STXBP5L: variants seen among roughly 807,000 people sequenced by gnomAD.
The protein encoded by STXBP5L is syntaxin binding protein 5L.
Under a neutral mutation model 144.5 loss-of-function variants are expected in STXBP5L, and 65 were observed. The ratio of observed to expected loss-of-function variants is 0.45; its 90% CI spans 0.37 to 0.55. STXBP5L has a LOEUF of 0.55. Among genes scored for constraint, STXBP5L ranks in the 20% least tolerant of loss-of-function variants. STXBP5L has a pLI of 0.00. For missense variants in STXBP5L, 1,298 were observed against 1,405.5 expected, an observed-to-expected ratio of 0.92 and a Z score of 1.22; for synonymous variants, 505 against 469.6, an observed-to-expected ratio of 1.08 and a Z score of -0.97.
intron 20 of STXBP5L, among the ~76,000 whole-genome samples, chr3:121,372,791 G>A (rs2046072080): frequency 6.6e-6 from 1 of 151,878 alleles, no homozygotes. Flanking sequence ...CCATCTTAGA[G>A]CAGGAATTCA....
At chr3:120,963,575 T>A (rs1308437796) in intron 3 of STXBP5L, among the ~76,000 whole-genome samples, 1 of 152,212 alleles carries the variant, frequency 6.6e-6, no homozygotes, top group African/African-American at 2.4e-5. Flanking sequence ...GGATTATGTT[T>A]ATTGATTTGC....
At chr3:120,994,476 T>C (rs1207765024) in intron 3 of STXBP5L, among the ~76,000 whole-genome samples, 1 of 152,142 alleles carries the variant, frequency 6.6e-6, no homozygotes, top group Non-Finnish European at 1.5e-5. Context: ...ATGCCTAGTT[T>C]GTTGAGCATT....
chr3:121,285,014 T>C (rs2108449785), intron 19 of STXBP5L, among the ~76,000 whole-genome samples: 1 of 152,210 alleles, frequency 6.6e-6, no homozygotes, highest in Non-Finnish European at 1.5e-5. Context: ...AACTATTGGA[T>C]AATATAATCT....
chr3:121,079,559 G>C (rs1042504892), intron 5 of STXBP5L, among the ~76,000 whole-genome samples: 1 of 152,198 alleles, frequency 6.6e-6, no homozygotes, highest in African/African-American at 2.4e-5. Flanking sequence ...AGTTATAGTT[G>C]ATTTTATTAA....
chr3:121,379,062 A>G lies in STXBP5L; in HGVS notation c.2347+176A>G, dbSNP rs186723598. Among the ~76,000 whole-genome samples the G allele has an allele frequency of 4.7e-4, 72 of 151,898 alleles. 2 individuals are homozygous for G. The East Asian group carries it at 0.013, about 28-fold the overall frequency. The stretch of plus-strand genomic sequence containing the variant: ...TAACTCCAACTCCATTCCTCACTCC[A>G]CCTCCTTCCTCACCTCTAAAACCAG... On this transcript the variant is annotated intron_variant, in intron 21 of 26. Coordinates refer to ENST00000471454, the MANE Select transcript of STXBP5L (RefSeq NM_001308330.2).
chr3:121,349,505 G>C lies in STXBP5L; in HGVS notation c.2177-29211G>C, dbSNP rs1029418280. 1.3e-4 allele frequency among the ~76,000 whole-genome samples: 19 copies of C among 151,516 alleles called. 2 individuals are homozygous for C. Among genetic ancestry groups the C allele is most frequent in the African/African-American group, 4.1e-4 (17 of 41,130 alleles). ...GGTGTAGAGCTGAGTTGAATTCCTG[G>C]ATATCCTTGTTAACTTTCTGTCTCG... On this transcript the variant is annotated intron_variant, in intron 20 of 26. Coordinates refer to ENST00000471454, the MANE Select transcript of STXBP5L (RefSeq NM_001308330.2).
At chr3:120,978,224 C>G (rs1014320511) in intron 3 of STXBP5L, among the ~76,000 whole-genome samples, 1 of 152,234 alleles carries the variant, frequency 6.6e-6, no homozygotes, top group Non-Finnish European at 1.5e-5. Flanking sequence ...TCCCATATTT[C>G]TTGGAGGCTT....
At chr3:121,020,579 C>T (rs1371826688) in intron 3 of STXBP5L, among the ~76,000 whole-genome samples, 2 of 152,128 alleles carry the variant, frequency 1.3e-5, no homozygotes, top group Non-Finnish European at 2.9e-5. Flanking sequence ...AGAAACCATA[C>T]AAGCTAGAAG....
At chr3:121,008,454 T>C (rs1944517305) in intron 3 of STXBP5L, among the ~76,000 whole-genome samples, 1 of 152,034 alleles carries the variant, frequency 6.6e-6, no homozygotes, top group African/African-American at 2.4e-5. Context: ...AAAATAGACA[T>C]TGAGAATGAT....
At chr3:121,048,176 C>G (rs980840134) in intron 5 of STXBP5L, among the ~76,000 whole-genome samples, 5 of 152,088 alleles carry the variant, frequency 3.3e-5, no homozygotes, top group Admixed American at 2.0e-4. Context: ...ATATAGACCC[C>G]CAATTTCTTC....
intron 5 of STXBP5L, among the ~76,000 whole-genome samples, chr3:121,091,035 T>G (rs1245657579): frequency 6.6e-6 from 1 of 150,638 alleles, no homozygotes; most frequent in Non-Finnish European, 1.5e-5. Context: ...GGTGTGTGGT[T>G]TTTTGTTCTT....
intron 5 of STXBP5L, among the ~76,000 whole-genome samples, chr3:121,103,287 CCCAGG>C (rs2043523274): frequency 6.6e-6 from 1 of 152,124 alleles, no homozygotes; most frequent in East Asian, 1.9e-4. Context: ...ATGGAATCAA[CCCAGG>C]TGCCCCTTGA....
chr3:120,977,597 C>T (rs2638580), intron 3 of STXBP5L, among the ~76,000 whole-genome samples: 4 of 151,920 alleles, frequency 2.6e-5, no homozygotes, highest in African/African-American at 4.8e-5. Context: ...ATGATGTTAG[C>T]TGGTTATTTT....
intron 5 of STXBP5L, among the ~76,000 whole-genome samples, chr3:121,062,178 G>GTC (rs1472898331): frequency 7.2e-5 from 11 of 152,184 alleles, no homozygotes; most frequent in African/African-American, 2.7e-4. Context: ...CTTTTGTAAG[G>GTC]CAGGCCTGGT....
chr3:120,949,290 A>G (rs1711049254), intron 2 of STXBP5L, among the ~76,000 whole-genome samples: 1 of 151,544 alleles, frequency 6.6e-6, no homozygotes, highest in African/African-American at 2.4e-5. Context: ...GATTTGTTTG[A>G]GTTTCTTGTA....
chr3:120,996,385 T>C (rs1431902307), intron 3 of STXBP5L, among the ~76,000 whole-genome samples: 1 of 152,060 alleles, frequency 6.6e-6, no homozygotes, highest in Non-Finnish European at 1.5e-5. Context: ...GTCATATATA[T>C]TTTTTGAACT....
chr3:121,089,479 T>A (rs549408259), intron 5 of STXBP5L, among the ~76,000 whole-genome samples: 7 of 151,984 alleles, frequency 4.6e-5, no homozygotes, highest in African/African-American at 1.7e-4. Context: ...TCATTGGAAA[T>A]TTTCTCCCAT....
intron 2 of STXBP5L, among the ~76,000 whole-genome samples, chr3:120,952,805 A>T (rs948636145): frequency 3.3e-5 from 5 of 151,918 alleles, no homozygotes; most frequent in African/African-American, 9.7e-5. Flanking sequence ...AATTTTTAAA[A>T]TTTTTTCCGT....
intron 19 of STXBP5L, among the ~76,000 whole-genome samples, chr3:121,310,744 A>G (rs2043498005): frequency 6.6e-6 from 1 of 151,336 alleles, no homozygotes; most frequent in South Asian, 2.1e-4. Flanking sequence ...CCATGTCTCT[A>G]CTAAAAATAC....
Sources: gnomAD v4.1 joint callset for allele counts (sites outside exome capture counted in the v4.1 genomes callset) on GRCh38, gnomAD v4.1.1 for gene constraint, MANE v1.5 for transcripts, NCBI Gene and HGNC (gene_info 2026-07-23, HGNC 2026-07-21) for gene names.